Variants in TCAF1 observed in about 807,000 individuals in gnomAD.
TCAF1 encodes TRPM8 channel associated factor 1.
In TCAF1, 4 loss-of-function variants were observed where a neutral mutation model predicts 27.3. That is an observed-to-expected ratio of 0.15 (90% confidence interval 0.07 to 0.34). The LOEUF (loss-of-function observed/expected upper bound fraction) is 0.34. TCAF1 is among the 10% of genes least tolerant of loss of function. TCAF1 has a pLI of 1.00. For synonymous variants in TCAF1, 105 were observed against 167.1 expected, an observed-to-expected ratio of 0.63 and a Z score of 2.87; for missense variants, 257 against 425.8, an observed-to-expected ratio of 0.60 and a Z score of 3.49.
intron 1 of TCAF1, among the ~76,000 whole-genome samples, chr7:143,881,663 T>C (rs1224662033): frequency 6.6e-6 from 1 of 152,204 alleles, no homozygotes; most frequent in Non-Finnish European, 1.5e-5. Flanking sequence ...AATAGACCTT[T>C]ACCACCATCT....
Position 143,876,152 on chromosome 7 carries a change from G to C in TCAF1, c.457C>G (p.Gln153Glu). ...KCGGGLLIGG[Q>E]AWDWANQGED... ...CCCTGGTTGGCCCAATCCCAGGCTTGTCCTCCTATGAGCAAGCCGCCACCA... is the reference window on the plus strand; with the variant it reads ...CCCTGGTTGGCCCAATCCCAGGCTTCTCCTCCTATGAGCAAGCCGCCACCA... Residue 153 changes from glutamine to glutamate, a missense_variant, in exon 2 of 9, where the codon CAA (glutamine) becomes GAA (glutamate). Gln to Glu is a conservative substitution (Grantham distance 29). Coordinates refer to ENST00000479870, the MANE Select transcript of TCAF1 (RefSeq NM_014719.3). 1 of 1,614,218 alleles carries C rather than the reference G, an allele frequency of 6.2e-7. No individual in the cohort carries two copies. The highest frequency in any genetic ancestry group is 8.5e-7 in the Non-Finnish European group (1 of 1,180,042).
chr7:143,884,488 C>T (rs1415972905), intron 1 of TCAF1, among the ~76,000 whole-genome samples: 1 of 152,164 alleles, frequency 6.6e-6, no homozygotes, highest in Non-Finnish European at 1.5e-5. Flanking sequence ...CTAAATGAAG[C>T]GGGCTAGTGA....
chr7:143,859,913 ACG>A (rs1276393883), intron 6 of TCAF1, among the ~76,000 whole-genome samples: 3 of 38,636 alleles, frequency 7.8e-5, no homozygotes, highest in African/African-American at 1.0e-4. Flanking sequence ...AATATATATT[ACG>A]GAATATATAT....
chr7:143,879,896 C>T (rs543534383), intron 1 of TCAF1, among the ~76,000 whole-genome samples: 2 of 152,258 alleles, frequency 1.3e-5, no homozygotes, highest in African/African-American at 4.8e-5. Flanking sequence ...TCTGCTGCCT[C>T]TAACGCTGGC....
chr7:143,896,171 G>A (rs1050309028), intron 1 of TCAF1, among the ~76,000 whole-genome samples: 6 of 151,434 alleles, frequency 4.0e-5, no homozygotes, highest in African/African-American at 7.3e-5. Flanking sequence ...AGAGTCAAAC[G>A]ATAAAAGAGA....
At chr7:143,884,431 A>G (rs1432066779) in intron 1 of TCAF1, among the ~76,000 whole-genome samples, 2 of 152,170 alleles carry the variant, frequency 1.3e-5, no homozygotes, top group African/African-American at 4.8e-5. Flanking sequence ...CCCACCTGAG[A>G]GACAGTGAGC....
rs1374550795 is a variant in TCAF1 at position 143,859,971 on chromosome 7, ATAATATATAT to A, written c.2167+227_2167+236del. Among the ~76,000 whole-genome samples the A allele has an allele frequency of 4.8e-3, 51 of 10,528 alleles. 5 individuals carry two copies. The highest frequency in any genetic ancestry group is 0.011 in the South Asian group (2 of 180). 6.9% of individuals were successfully genotyped at this position (10,528 alleles called of 152,430 possible). ...ATATATATTACGGAATATATATTAT[ATAATATATAT>A]TATATAATATATATTATATAATATA... is the stretch of plus-strand genomic sequence containing the variant. On this transcript the variant is annotated intron_variant, in intron 6 of 8. Transcript: ENST00000479870.
In TCAF1 at chr7:143,851,782, C is replaced by CA. The variant is rs1474749350; in HGVS notation, c.*2350dup. ...TACACTAATCCTCTAGTTCTTGTTC[C>CA]ATTAACTGAAGATCTTTTCATCCCC... On this transcript the variant is annotated 3_prime_UTR_variant, in exon 9 of 9. Coordinates refer to ENST00000479870, the MANE Select transcript of TCAF1 (RefSeq NM_014719.3). The CA allele has an allele frequency of 6.6e-5, 10 of 152,050 alleles. No individual in the cohort carries two copies. The highest frequency in any genetic ancestry group is 1.5e-4 in the Non-Finnish European group (10 of 68,030). 9.4% of individuals were successfully genotyped at this position (152,050 alleles called of 1,614,324 possible).
chr7:143,883,093 A>G (rs1256510043), intron 1 of TCAF1, among the ~76,000 whole-genome samples: 1 of 152,150 alleles, frequency 6.6e-6, no homozygotes, highest in Non-Finnish European at 1.5e-5. Context: ...CTGACTCTAC[A>G]TTAGTAAGGG....
At chr7:143,892,525 C>T (rs916214844) in intron 1 of TCAF1, among the ~76,000 whole-genome samples, 3 of 149,592 alleles carry the variant, frequency 2.0e-5, no homozygotes, top group South Asian at 2.1e-4. Context: ...AGACTTTAAC[C>T]CAATTTTTTT....
At chr7:143,877,154 C>T (rs1396961739) in intron 1 of TCAF1, among the ~76,000 whole-genome samples, 1 of 152,148 alleles carries the variant, frequency 6.6e-6, no homozygotes, top group Non-Finnish European at 1.5e-5. Flanking sequence ...AAGTGAGAGG[C>T]CGGGAACAGA....
At chr7:143,898,372 G>A (rs1175978328) in intron 1 of TCAF1, among the ~76,000 whole-genome samples, 1 of 151,938 alleles carries the variant, frequency 6.6e-6, no homozygotes, top group East Asian at 1.9e-4. Context: ...ATAAATTGAA[G>A]GTATGAGAAT....
chr7:143,901,519 T>G (rs1031574721), intron 1 of TCAF1, among the ~76,000 whole-genome samples: 4 of 151,918 alleles, frequency 2.6e-5, no homozygotes, highest in African/African-American at 9.7e-5. Flanking sequence ...CCGCCACCCC[T>G]CCCCAGGTCC....
At chr7:143,897,726 T>C (rs1813953974) in intron 1 of TCAF1, among the ~76,000 whole-genome samples, 1 of 152,142 alleles carries the variant, frequency 6.6e-6, no homozygotes, top group Admixed American at 6.6e-5. Context: ...AATAGTACTA[T>C]AATCATTAAA....
chr7:143,896,609 A>G (rs910270278), intron 1 of TCAF1, among the ~76,000 whole-genome samples: 7 of 152,104 alleles, frequency 4.6e-5, no homozygotes. Context: ...ATCTCTGACT[A>G]CAATATAAAT....
chr7:143,895,973 A>C (rs2116867552), intron 1 of TCAF1, among the ~76,000 whole-genome samples: 1 of 151,730 alleles, frequency 6.6e-6, no homozygotes, highest in African/African-American at 2.4e-5. Flanking sequence ...CATAAAAGGC[A>C]GGAAAAATAA....
intron 1 of TCAF1, chr7:143,886,406 G>A (rs756269380): frequency 8.0e-5 from 52 of 652,398 alleles, no homozygotes; most frequent in South Asian, 1.4e-4. Flanking sequence ...GACAGGGTAC[G>A]ACATCCCATA....
At chr7:143,875,092 C>T (rs1395247465) in intron 2 of TCAF1, among the ~76,000 whole-genome samples, 1 of 152,138 alleles carries the variant, frequency 6.6e-6, no homozygotes, top group African/African-American at 2.4e-5. Context: ...TAGCTCATTC[C>T]CCATACCTTC....
At chr7:143,885,644 TTAAATCTACTTATA>T in intron 1 of TCAF1, 1 of 748,740 alleles carries the variant, frequency 1.3e-6, no homozygotes, top group Non-Finnish European at 1.6e-6. Flanking sequence ...CAAGGATGGG[TTAAATCTACTTATA>T]TAAATCTACT....
Sources: gnomAD v4.1 joint callset for allele counts (sites outside exome capture counted in the v4.1 genomes callset) on GRCh38, gnomAD v4.1.1 for gene constraint, MANE v1.5 for transcripts, NCBI Gene and HGNC (gene_info 2026-07-23, HGNC 2026-07-21) for gene names.